The following NRXN3 variants were observed in gnomAD, a reference collection of about 807,000 sequenced individuals.
NRXN3 encodes neurexin III.
A neutral mutation model predicts 137.6 loss-of-function variants in NRXN3; 32 were observed. That is an observed-to-expected ratio of 0.23 (90% CI 0.18 to 0.31). The LOEUF (loss-of-function observed/expected upper bound fraction) is 0.31, where lower values mean the gene tolerates loss of function less well. NRXN3 is among the 10% of genes least tolerant of loss of function. The probability of loss-of-function intolerance (pLI) is 1.00; values close to 1 mark genes in which losing one functional copy is unlikely to be tolerated. For synonymous variants in NRXN3, 798 were observed against 784.5 expected, an observed-to-expected ratio of 1.02 and a Z score of -0.29; for missense variants, 1,574 against 2,062.5, an observed-to-expected ratio of 0.76 and a Z score of 4.59.
At chr14:79,238,848 GA>G (rs2073852391) in intron 15 of NRXN3, among the ~76,000 whole-genome samples, 1 of 152,098 alleles carries the variant, frequency 6.6e-6, no homozygotes, top group Admixed American at 6.6e-5. Context: ...CAGATCCAGA[GA>G]AAGAATGTCA....
chr14:79,320,074 A>G (rs1055750575), intron 15 of NRXN3, among the ~76,000 whole-genome samples: 10 of 152,350 alleles, frequency 6.6e-5, no homozygotes, highest in African/African-American at 2.2e-4. Flanking sequence ...TAAAGAAGAC[A>G]TTAACAAAAA....
chr14:79,356,141 T>G (rs1054840833), intron 15 of NRXN3, among the ~76,000 whole-genome samples: 2 of 152,198 alleles, frequency 1.3e-5, no homozygotes, highest in Non-Finnish European at 2.9e-5. Context: ...CTAAATTAGG[T>G]GAAATCTATT....
chr14:79,632,275 C>G (rs998632019), intron 16 of NRXN3: 1 of 155,118 alleles, frequency 6.4e-6, no homozygotes, highest in East Asian at 1.9e-4. Context: ...CTGTAACACT[C>G]ACCGCGAGGG....
intron 1 of NRXN3, among the ~76,000 whole-genome samples, chr14:78,239,230 C>T (rs572412950): frequency 2.0e-5 from 3 of 152,350 alleles, no homozygotes; most frequent in Admixed American, 2.0e-4. Context: ...CCAGGGAGCC[C>T]CCCATCAGCA....
At chr14:79,464,649 T>C (rs547253152) in intron 15 of NRXN3, among the ~76,000 whole-genome samples, 1 of 152,248 alleles carries the variant, frequency 6.6e-6, no homozygotes, top group East Asian at 1.9e-4. Flanking sequence ...TTTAGTCTGA[T>C]AAAAAGATGT....
intron 16 of NRXN3, among the ~76,000 whole-genome samples, chr14:79,488,593 C>G (rs887806806): frequency 3.9e-5 from 6 of 152,152 alleles, no homozygotes; most frequent in African/African-American, 1.4e-4. Flanking sequence ...GGCTTAATGT[C>G]ATCACCACCA....
chr14:79,485,538 T>C (rs1404457477), intron 16 of NRXN3, among the ~76,000 whole-genome samples: 4 of 152,204 alleles, frequency 2.6e-5, no homozygotes, highest in Non-Finnish European at 5.9e-5. Flanking sequence ...AATTTAGCTC[T>C]TACCACTTCT....
intron 4 of NRXN3, among the ~76,000 whole-genome samples, chr14:78,430,096 G>T (rs1235892964): frequency 6.6e-6 from 1 of 152,054 alleles, no homozygotes; most frequent in East Asian, 1.9e-4. Flanking sequence ...AAATTAGCTG[G>T]GTATGGTGTT....
intron 4 of NRXN3, among the ~76,000 whole-genome samples, chr14:78,369,200 T>C (rs896174494): frequency 3.3e-5 from 5 of 151,422 alleles, no homozygotes; most frequent in African/African-American, 1.2e-4. Flanking sequence ...ATGAGAAAAA[T>C]AAGGCTCAGA....
intron 8 of NRXN3, among the ~76,000 whole-genome samples, chr14:78,721,660 GGTCCATCAGACCTGAGTTT>G (rs2098460369): frequency 6.6e-6 from 1 of 152,054 alleles, no homozygotes; most frequent in Non-Finnish European, 1.5e-5. Context: ...GTACACTTCA[GGTCCATCAGACCTGAGTTT>G]TAATTGATGG....
At chr14:79,708,905 A>C (rs573484429) in intron 19 of NRXN3, among the ~76,000 whole-genome samples, 1 of 152,194 alleles carries the variant, frequency 6.6e-6, no homozygotes, top group South Asian at 2.1e-4. Flanking sequence ...GAATTACTTG[A>C]TGGGAATTTG....
At chr14:79,108,742 TAC>T (rs2052929710) in intron 15 of NRXN3, among the ~76,000 whole-genome samples, 1 of 152,076 alleles carries the variant, frequency 6.6e-6, no homozygotes, top group African/African-American at 2.4e-5. Flanking sequence ...AATACATACA[TAC>T]TCAAAAATAA....
intron 1 of NRXN3, among the ~76,000 whole-genome samples, chr14:78,174,569 A>T (rs2059080530): frequency 6.6e-6 from 1 of 152,090 alleles, no homozygotes; most frequent in African/African-American, 2.4e-5. Context: ...TGGACAACAT[A>T]GGATTGTCAA....
intron 8 of NRXN3, among the ~76,000 whole-genome samples, chr14:78,758,373 A>G (rs2098678230): frequency 6.6e-6 from 1 of 152,232 alleles, no homozygotes; most frequent in African/African-American, 2.4e-5. Flanking sequence ...GCCATGGCCA[A>G]CATGACTAAT....
chr14:79,020,895 A>ACACACC (rs769880916), intron 15 of NRXN3, among the ~76,000 whole-genome samples: 6 of 149,988 alleles, frequency 4.0e-5, no homozygotes, highest in Admixed American at 3.3e-4. Flanking sequence ...ACACACACAC[A>ACACACC]CCACTCTACA....
chr14:79,513,074 G>A (rs2153692229), intron 16 of NRXN3, among the ~76,000 whole-genome samples: 1 of 152,276 alleles, frequency 6.6e-6, no homozygotes, highest in African/African-American at 2.4e-5. Context: ...AAATAGGCCT[G>A]GATTTGCTGG....
intron 15 of NRXN3, among the ~76,000 whole-genome samples, chr14:79,392,780 G>A (rs965423092): frequency 8.6e-5 from 13 of 151,890 alleles, no homozygotes; most frequent in Admixed American, 8.5e-4. Flanking sequence ...GACCAGCCTG[G>A]CTAACATGAT....
chr14:79,532,427 A>T (rs113497332), intron 16 of NRXN3, among the ~76,000 whole-genome samples: 2 of 152,164 alleles, frequency 1.3e-5, no homozygotes, highest in East Asian at 3.9e-4. Context: ...CCATAGTTGG[A>T]CCTTCACAAA....
At chr14:79,148,071 G>A (rs940992468) in intron 15 of NRXN3, among the ~76,000 whole-genome samples, 10 of 152,060 alleles carry the variant, frequency 6.6e-5, no homozygotes, top group Middle Eastern at 3.2e-3. Context: ...TCTGGTCACC[G>A]TTCTAAATTC....
Sources: allele counts gnomAD v4.1 joint callset (sites outside exome capture counted in the v4.1 genomes callset), GRCh38; gene constraint gnomAD v4.1.1; transcripts MANE v1.5; gene names NCBI Gene and HGNC (gene_info 2026-07-23, HGNC 2026-07-21).